TBCEL: variants seen among roughly 807,000 people sequenced by gnomAD.
TBCEL encodes the protein tubulin folding cofactor E like.
In TBCEL, 15 loss-of-function variants were observed where a neutral mutation model predicts 44.2. The ratio of observed to expected loss-of-function variants is 0.34; its 90% confidence interval spans 0.23 to 0.52. The LOEUF is 0.52. TBCEL is among the 20% of genes least tolerant of loss of function. TBCEL has a pLI of 0.95. For missense variants in TBCEL, 319 were observed against 506.3 expected (o/e 0.63, Z 3.55); for synonymous variants, 171 against 185.4 (o/e 0.92, Z 0.63).
At chr11:121,039,931 G>A (rs1565493251) in intron 2 of TBCEL, among the ~76,000 whole-genome samples, 1 of 152,156 alleles carries the variant, frequency 6.6e-6, no homozygotes, top group Non-Finnish European at 1.5e-5. Context: ...TTGTACAAAT[G>A]GGTCCTTGTC....
At chr11:121,060,748 G>T (rs2134963696) in intron 8 of TBCEL, among the ~76,000 whole-genome samples, 1 of 151,920 alleles carries the variant, frequency 6.6e-6, no homozygotes, top group East Asian at 1.9e-4. Context: ...AGGTTTCTGG[G>T]TATTGATAAC....
chr11:121,053,753 G>A, intron 5 of TBCEL, 21 bp downstream of exon 5: 3 of 1,609,428 alleles, frequency 1.9e-6, no homozygotes, highest in African/African-American at 1.3e-5. Flanking sequence ...AGAGCATGAG[G>A]GCGAGGGAGT....
chr11:121,047,948 A>AG (rs1945460977), intron 4 of TBCEL: 1 of 225,988 alleles, frequency 4.4e-6, no homozygotes, highest in African/African-American at 2.3e-5. Flanking sequence ...AAAAAAAAAA[A>AG]AAAAAAAAAG....
At chr11:121,037,633 A>C (rs1945255688) in intron 2 of TBCEL, among the ~76,000 whole-genome samples, 1 of 152,160 alleles carries the variant, frequency 6.6e-6, no homozygotes, top group Non-Finnish European at 1.5e-5. Flanking sequence ...GACATGGAAA[A>C]TTTTTCATGG....
At chr11:121,055,733 G>C (rs1945608139) in intron 6 of TBCEL, among the ~76,000 whole-genome samples, 1 of 151,708 alleles carries the variant, frequency 6.6e-6, no homozygotes, top group Non-Finnish European at 1.5e-5. Context: ...ATTGCCATTT[G>C]ATCCTGTGTA....
At chr11:121,068,458 C>T (rs1168098949) in intron 8 of TBCEL, among the ~76,000 whole-genome samples, 2 of 151,860 alleles carry the variant, frequency 1.3e-5, no homozygotes, top group Admixed American at 1.3e-4. Flanking sequence ...CATTTTAGTC[C>T]AAATCCTTCA....
intron 8 of TBCEL, among the ~76,000 whole-genome samples, chr11:121,075,004 T>G (rs1170642214): frequency 6.6e-6 from 1 of 151,990 alleles, no homozygotes; most frequent in Admixed American, 6.6e-5. Flanking sequence ...TCCAGTGATC[T>G]TACTGAGACT....
At chr11:121,029,361 G>A (rs1227652379) in intron 1 of TBCEL, among the ~76,000 whole-genome samples, 1 of 152,168 alleles carries the variant, frequency 6.6e-6, no homozygotes, top group Non-Finnish European at 1.5e-5. Flanking sequence ...GGACGTCTCA[G>A]CTTTCACAAT....
intron 6 of TBCEL, among the ~76,000 whole-genome samples, chr11:121,057,247 T>A (rs551668530): frequency 6.6e-6 from 1 of 151,884 alleles, no homozygotes; most frequent in Admixed American, 6.6e-5. Flanking sequence ...TTGCTGAAGG[T>A]TGATAAAAAT....
chr11:121,068,137 A>G (rs977197432), intron 8 of TBCEL, among the ~76,000 whole-genome samples: 14 of 152,282 alleles, frequency 9.2e-5, no homozygotes, highest in African/African-American at 3.4e-4. Context: ...ATCTGCCTCT[A>G]AATTCCAGAC....
chr11:121,085,373 A>G (rs1036371794), intron 8 of TBCEL, among the ~76,000 whole-genome samples: 1 of 152,242 alleles, frequency 6.6e-6, no homozygotes, highest in African/African-American at 2.4e-5. Context: ...GTGCTTTAAA[A>G]TAAGCTTCAG....
intron 8 of TBCEL, among the ~76,000 whole-genome samples, chr11:121,070,717 G>A (rs182194516): frequency 2.9e-5 from 4 of 137,556 alleles, no homozygotes; most frequent in Admixed American, 7.3e-5. Context: ...ATTCGGGGAG[G>A]GGGGAGGGAT....
At chr11:121,054,015 C>G (rs1404373531) in intron 5 of TBCEL, among the ~76,000 whole-genome samples, 1 of 151,704 alleles carries the variant, frequency 6.6e-6, no homozygotes, top group Non-Finnish European at 1.5e-5. Flanking sequence ...CTCAGCCTTA[C>G]TCTGTTTTAA....
chr11:121,047,782 CTTG>C, intron 4 of TBCEL, 115 bp downstream of exon 4: 1 of 1,296,772 alleles, frequency 7.7e-7, no homozygotes, highest in East Asian at 2.5e-5. Flanking sequence ...TGTATGACTT[CTTG>C]TTGTCTGTAT....
intron 3 of TBCEL, 44 bp from the exon 4 acceptor site, chr11:121,047,484 A>G: frequency 6.2e-7 from 1 of 1,606,422 alleles, no homozygotes; most frequent in South Asian, 1.1e-5. Flanking sequence ...TGTAGACAAG[A>G]ATTTGGCTGA....
At chr11:121,034,869 T>G (rs758721835) in intron 1 of TBCEL, among the ~76,000 whole-genome samples, 10 of 152,158 alleles carry the variant, frequency 6.6e-5, no homozygotes, top group Non-Finnish European at 1.0e-4. Flanking sequence ...CTGAAAACGC[T>G]TCATCTCTAA....
chr11:121,063,996 T>C (rs1028145177), intron 8 of TBCEL, among the ~76,000 whole-genome samples: 23 of 152,208 alleles, frequency 1.5e-4, no homozygotes, highest in African/African-American at 5.3e-4. Flanking sequence ...TTACTTATCT[T>C]AGCTGACAAG....
At chr11:121,042,652 A>C (rs960755509) in intron 2 of TBCEL, among the ~76,000 whole-genome samples, 5 of 152,134 alleles carry the variant, frequency 3.3e-5, no homozygotes, top group Non-Finnish European at 7.3e-5. Flanking sequence ...TTTATCATGA[A>C]AATTTTTGTT....
At chr11:121,028,954 G>A (rs868408434) in intron 1 of TBCEL, among the ~76,000 whole-genome samples, 5 of 152,102 alleles carry the variant, frequency 3.3e-5, no homozygotes, top group African/African-American at 1.2e-4. Flanking sequence ...TTGAATGGTG[G>A]ACCTTAGCCC....
Sources: allele counts gnomAD v4.1 joint callset (sites outside exome capture counted in the v4.1 genomes callset), GRCh38; gene constraint gnomAD v4.1.1; transcripts MANE v1.5; gene names NCBI Gene and HGNC (gene_info 2026-07-23, HGNC 2026-07-21).